HYCC2: variants seen among roughly 807,000 people sequenced by gnomAD.
HYCC2 encodes hyccin PI4KA lipid kinase complex subunit 2, also known as hyccin 2.
At chr2:200,994,127 G>C in the HYCC2 span, among the ~76,000 whole-genome samples, 2 of 152,090 alleles carry the variant, frequency 1.3e-5, no homozygotes, top group Non-Finnish European at 2.9e-5. Context: ...TCCTCAAATG[G>C]ATGATGGTGA....
At chr2:200,997,646 T>C in the HYCC2 span, 1 of 684,658 alleles carries the variant, frequency 1.5e-6, no homozygotes, top group South Asian at 1.8e-5. Flanking sequence ...CTTAATCAAA[T>C]CAATATAGCA....
At chr2:201,007,804 A>G in the HYCC2 span, among the ~76,000 whole-genome samples, 1 of 152,138 alleles carries the variant, frequency 6.6e-6, no homozygotes, top group Non-Finnish European at 1.5e-5. Flanking sequence ...TAGGCAATCA[A>G]CCTAATCAAT....
At chr2:201,046,354 G>A in the HYCC2 span, among the ~76,000 whole-genome samples, 1 of 152,156 alleles carries the variant, frequency 6.6e-6, no homozygotes, top group Non-Finnish European at 1.5e-5. Context: ...CTCCACCACA[G>A]CAGCTGACAC....
At chr2:201,005,232 G>A in the HYCC2 span, among the ~76,000 whole-genome samples, 1,174 of 152,202 alleles carry the variant, frequency 7.7e-3, 20 homozygotes, top group African/African-American at 0.027. Flanking sequence ...TAACCTGAGC[G>A]GGGCCAAGGG....
the HYCC2 span, among the ~76,000 whole-genome samples, chr2:201,053,217 G>A: frequency 6.6e-6 from 1 of 151,842 alleles, no homozygotes; most frequent in Non-Finnish European, 1.5e-5. Flanking sequence ...CCGCCTCCTG[G>A]GTTCAAGTGA....
chr2:200,994,995 A>G, the HYCC2 span, among the ~76,000 whole-genome samples: 7 of 151,494 alleles, frequency 4.6e-5, no homozygotes, highest in Admixed American at 3.9e-4. Flanking sequence ...GTGACAAAGG[A>G]AGACTCTCTC....
At chr2:200,980,911 T>C in the HYCC2 span, 6 of 225,684 alleles carry the variant, frequency 2.7e-5, no homozygotes, top group African/African-American at 1.4e-4. Context: ...AATCGTTTCA[T>C]AGGGATCATA....
the HYCC2 span, chr2:201,023,475 C>T: frequency 6.5e-6 from 1 of 153,622 alleles, no homozygotes; most frequent in Non-Finnish European, 1.4e-5. Flanking sequence ...CCAACATTTC[C>T]TGAAATGGGC....
At chr2:200,977,328 G>C in the HYCC2 span, 1 of 152,120 alleles carries the variant, frequency 6.6e-6, no homozygotes, top group Non-Finnish European at 1.5e-5. Flanking sequence ...ATATGATCTT[G>C]ATCACACCAC....
At chr2:200,992,093 T>G in the HYCC2 span, among the ~76,000 whole-genome samples, 1 of 152,210 alleles carries the variant, frequency 6.6e-6, no homozygotes, top group Admixed American at 6.5e-5. Flanking sequence ...ATTCACTTTA[T>G]CTGAACTTTA....
chr2:201,025,210 A>G, the HYCC2 span, among the ~76,000 whole-genome samples: 1 of 152,272 alleles, frequency 6.6e-6, no homozygotes, highest in South Asian at 2.1e-4. Context: ...GCTAAGGTCA[A>G]CCCTGGAAGT....
At chr2:201,024,644 A>G in the HYCC2 span, among the ~76,000 whole-genome samples, 1 of 152,222 alleles carries the variant, frequency 6.6e-6, no homozygotes, top group Non-Finnish European at 1.5e-5. Flanking sequence ...TGCAGTCTAC[A>G]GTTTTACCAA....
chr2:201,053,111 C>G, the HYCC2 span, among the ~76,000 whole-genome samples: 2 of 151,964 alleles, frequency 1.3e-5, no homozygotes, highest in African/African-American at 4.8e-5. Flanking sequence ...CCAGTACTAT[C>G]TATTAAATCT....
At chr2:201,043,191 G>A in the HYCC2 span, among the ~76,000 whole-genome samples, 1 of 152,012 alleles carries the variant, frequency 6.6e-6, no homozygotes, top group East Asian at 1.9e-4. Flanking sequence ...GATTAAGGGC[G>A]GTGCAAGTTG....
chr2:201,021,896 GAATCCTGC>G, the HYCC2 span: 4 of 384,412 alleles, frequency 1.0e-5, no homozygotes, highest in Non-Finnish European at 2.0e-5. Flanking sequence ...AAAAGCAAAT[GAATCCTGC>G]AATTGCTGCT....
the HYCC2 span, among the ~76,000 whole-genome samples, chr2:201,024,870 C>T: frequency 6.6e-6 from 1 of 152,048 alleles, no homozygotes; most frequent in East Asian, 1.9e-4. Context: ...AATCCCAGCA[C>T]TTTGGGAGGC....
chr2:201,062,099 T>C, the HYCC2 span, among the ~76,000 whole-genome samples: 1 of 152,102 alleles, frequency 6.6e-6, no homozygotes, highest in Non-Finnish European at 1.5e-5. Flanking sequence ...AGCAAGACCC[T>C]GTCTCAAAAA....
At chr2:201,063,166 C>A in the HYCC2 span, 29 of 1,610,304 alleles carry the variant, frequency 1.8e-5, no homozygotes, top group Non-Finnish European at 2.3e-5. Context: ...TTGAAACAAC[C>A]GATGAGAGCC....
the HYCC2 span, chr2:201,016,893 G>A: frequency 7.9e-4 from 984 of 1,247,218 alleles, 4 homozygotes; most frequent in African/African-American, 8.0e-3. Context: ...GAGCCACTGC[G>A]CCTGGCCAAT....
Sources: allele counts gnomAD v4.1 joint callset (sites outside exome capture counted in the v4.1 genomes callset), GRCh38; gene constraint gnomAD v4.1.1; transcripts MANE v1.5; gene names NCBI Gene and HGNC (gene_info 2026-07-23, HGNC 2026-07-21).